The following BANK1 variants were observed in gnomAD, a reference collection of about 807,000 sequenced individuals.
BANK1 encodes B-cell scaffold protein with ankyrin repeats.
Under a neutral mutation model 94.5 loss-of-function variants are expected in BANK1, and 95 were observed. The ratio of observed to expected loss-of-function variants is 1.00; its 90% CI spans 0.85 to 1.19. The LOEUF is 1.19. Among genes scored for constraint, BANK1 ranks in the 50% most tolerant of loss-of-function variants. BANK1 has a pLI of 0.00. For synonymous variants in BANK1, 334 were observed against 308.4 expected (o/e 1.08, Z -0.87); for missense variants, 987 against 932.2 (o/e 1.06, Z -0.77).
chr4:101,815,385 T>A (rs188621923), intron 1 of BANK1, among the ~76,000 whole-genome samples: 242 of 152,300 alleles, frequency 1.6e-3, no homozygotes, highest in African/African-American at 5.7e-3. Flanking sequence ...CTACTACTAA[T>A]TTATCACAAA....
At chr4:101,978,504 C>T (rs1278512288) in intron 7 of BANK1, among the ~76,000 whole-genome samples, 4 of 152,030 alleles carry the variant, frequency 2.6e-5, no homozygotes, top group Non-Finnish European at 4.4e-5. Flanking sequence ...GTCCCCTATT[C>T]CAATTTTTCT....
chr4:101,834,335 G>C (rs1382944159), intron 2 of BANK1, among the ~76,000 whole-genome samples: 2 of 152,140 alleles, frequency 1.3e-5, no homozygotes, highest in Non-Finnish European at 2.9e-5. Flanking sequence ...GAGTAACTTA[G>C]ATGTGCCAAT....
intron 7 of BANK1, among the ~76,000 whole-genome samples, chr4:101,948,567 T>G (rs957902765): frequency 1.3e-5 from 2 of 152,122 alleles, no homozygotes; most frequent in Non-Finnish European, 2.9e-5. Context: ...ATGACTCTGT[T>G]TTTTATATTT....
intron 3 of BANK1, among the ~76,000 whole-genome samples, chr4:101,856,512 G>A (rs1244389839): frequency 6.6e-6 from 1 of 152,084 alleles, no homozygotes; most frequent in Non-Finnish European, 1.5e-5. Context: ...TGAAATCAAA[G>A]CAGAAAAAAG....
In BANK1 at chr4:102,052,227, C is replaced by T. The variant is rs191966051; in HGVS notation, c.1970-7984C>T. Among the ~76,000 whole-genome samples the T allele has an allele frequency of 2.2e-3, 336 of 150,866 alleles. 2 individuals are homozygous for T. Among genetic ancestry groups the T allele is most frequent in the African/African-American group, 8.0e-3 (329 of 41,014 alleles). The stretch of plus-strand genomic sequence containing the variant: ...CCGCCTCCCGTGTTCATCCGATTCT[C>T]CTGCCTCAGCCTCCTGAGTAGCTGG... On this transcript the variant is annotated intron_variant, in intron 11 of 16. Coordinates refer to ENST00000322953, the MANE Select transcript of BANK1 (RefSeq NM_017935.5).
rs184287509 is a variant in BANK1 at position 101,952,071 on chromosome 4, T to A, written c.1206+33882T>A. Among the ~76,000 whole-genome samples the A allele has an allele frequency of 2.0e-5, 3 of 152,086 alleles. No homozygotes were observed. The East Asian group carries it at 5.8e-4, about 29-fold the overall frequency. ...CTCATGGCTTTTACCTATTAATAAA[T>A]AAATAAATGCATAAATAAATAAATA... is the stretch of plus-strand genomic sequence containing the variant. On this transcript the variant is annotated intron_variant, in intron 7 of 16. Coordinates refer to ENST00000322953, the MANE Select transcript of BANK1 (RefSeq NM_017935.5).
chr4:101,868,959 G>A (rs1349091307), intron 4 of BANK1, among the ~76,000 whole-genome samples: 4 of 151,734 alleles, frequency 2.6e-5, no homozygotes, highest in African/African-American at 9.7e-5. Flanking sequence ...CTCTAAAATC[G>A]ACATCATTAT....
intron 7 of BANK1, among the ~76,000 whole-genome samples, chr4:102,019,775 G>GT (rs1316367876): frequency 1.3e-5 from 2 of 150,146 alleles, no homozygotes; most frequent in Admixed American, 6.6e-5. Context: ...AGAAGCATTG[G>GT]TTTTTTAGCA....
chr4:102,063,442 A>G (rs1448044900), intron 13 of BANK1, among the ~76,000 whole-genome samples: 1 of 152,026 alleles, frequency 6.6e-6, no homozygotes, highest in Non-Finnish European at 1.5e-5. Context: ...TGTTATAAAT[A>G]TAATAAATGC....
At chr4:102,031,136 C>T (rs997590495) in intron 10 of BANK1, among the ~76,000 whole-genome samples, 1 of 152,188 alleles carries the variant, frequency 6.6e-6, no homozygotes, top group East Asian at 1.9e-4. Flanking sequence ...GCCATTCTAA[C>T]TGGTGTGAGA....
intron 10 of BANK1, among the ~76,000 whole-genome samples, chr4:102,034,023 A>G (rs1484510831): frequency 8.6e-6 from 1 of 116,152 alleles, no homozygotes; most frequent in Non-Finnish European, 1.8e-5. Flanking sequence ...GCCTTTCCTC[A>G]CATCTTTCCT....
At chr4:101,883,893 G>A (rs1055395265) in intron 5 of BANK1, among the ~76,000 whole-genome samples, 4 of 152,082 alleles carry the variant, frequency 2.6e-5, no homozygotes. Context: ...TAACTCTTTG[G>A]AAATTAGAAG....
chr4:101,951,466 G>T (rs1724150614), intron 7 of BANK1, among the ~76,000 whole-genome samples: 1 of 152,076 alleles, frequency 6.6e-6, no homozygotes, highest in Non-Finnish European at 1.5e-5. Flanking sequence ...ACTAAAAACA[G>T]TTGCTTTAAC....
At chr4:101,842,650 A>G (rs1380595116) in intron 2 of BANK1, among the ~76,000 whole-genome samples, 2 of 152,236 alleles carry the variant, frequency 1.3e-5, no homozygotes, top group Non-Finnish European at 2.9e-5. Context: ...TCTTAGATAT[A>G]TACGTACTCA....
intron 1 of BANK1, among the ~76,000 whole-genome samples, chr4:101,829,132 G>T (rs1164527818): frequency 1.3e-5 from 2 of 152,094 alleles, no homozygotes; most frequent in East Asian, 3.9e-4. Flanking sequence ...AAAGTGCTGG[G>T]ATTACAGGTG....
chr4:101,901,283 A>C (rs1442491678), intron 6 of BANK1, among the ~76,000 whole-genome samples: 3 of 152,238 alleles, frequency 2.0e-5, no homozygotes, highest in Non-Finnish European at 4.4e-5. Context: ...AAATATATAA[A>C]GCCACAAAAT....
chr4:101,968,176 C>G (rs191397724), intron 7 of BANK1, among the ~76,000 whole-genome samples: 2 of 151,902 alleles, frequency 1.3e-5, no homozygotes, highest in Non-Finnish European at 2.9e-5. Flanking sequence ...TTGAGTCTTA[C>G]GTCAAAAGAT....
At chr4:101,934,787 T>C (rs907327118) in intron 7 of BANK1, among the ~76,000 whole-genome samples, 2 of 151,524 alleles carry the variant, frequency 1.3e-5, no homozygotes, top group Non-Finnish European at 3.0e-5. Context: ...TCTAATGCCA[T>C]TTCAAAACAC....
At chr4:101,925,638 T>C (rs1462432300) in intron 7 of BANK1, among the ~76,000 whole-genome samples, 1 of 151,772 alleles carries the variant, frequency 6.6e-6, no homozygotes, top group Non-Finnish European at 1.5e-5. Context: ...TTGCTTCACA[T>C]GCTGGCAGTC....
Sources: allele counts gnomAD v4.1 joint callset (sites outside exome capture counted in the v4.1 genomes callset), GRCh38; gene constraint gnomAD v4.1.1; transcripts MANE v1.5; gene names NCBI Gene and HGNC (gene_info 2026-07-23, HGNC 2026-07-21).